GCNT2: variants seen among roughly 807,000 people sequenced by gnomAD.
The protein encoded by GCNT2 is N-acetyllactosaminide beta-1,6-N-acetylglucosaminyl-transferase.
GCNT2 carries 34 observed loss-of-function variants against 34.2 expected under a neutral mutation model. That is an observed-to-expected ratio of 1.00 (90% CI 0.76 to 1.32). GCNT2 has a LOEUF of 1.32. Among genes scored for constraint, GCNT2 ranks in the 40% most tolerant of loss-of-function variants. The pLI is 0.00. For missense variants in GCNT2, 584 were observed against 489.4 expected (o/e 1.19, Z -1.82); for synonymous variants, 212 against 188.0 (o/e 1.13, Z -1.04).
At chr6:10,609,951 A>C (rs887473466) in intron 3 of GCNT2, among the ~76,000 whole-genome samples, 1 of 152,160 alleles carries the variant, frequency 6.6e-6, no homozygotes, top group African/African-American at 2.4e-5. Flanking sequence ...AAAATCAGAC[A>C]CAGGGTCAAC....
chr6:10,609,445 G>A (rs1326469644), intron 3 of GCNT2, among the ~76,000 whole-genome samples: 1 of 152,200 alleles, frequency 6.6e-6, no homozygotes, highest in Non-Finnish European at 1.5e-5. Flanking sequence ...CATTCATGAT[G>A]TCAGAGCCCT....
intron 3 of GCNT2, among the ~76,000 whole-genome samples, chr6:10,585,058 TGTGTGTGTGTGTGTGTGTGTGC>T (rs1359106711): frequency 3.0e-3 from 424 of 141,176 alleles, no homozygotes; most frequent in Non-Finnish European, 3.8e-3. Context: ...TGTGTGTGTG[TGTGTGTGTGTGTGTGTGTGTGC>T]GCGCTATATT....
At chr6:10,620,724 T>C (rs147213580) in intron 3 of GCNT2, among the ~76,000 whole-genome samples, 4 of 152,330 alleles carry the variant, frequency 2.6e-5, no homozygotes, top group African/African-American at 9.6e-5. Flanking sequence ...TCTTGGAGTC[T>C]AACTATGATT....
intron 3 of GCNT2, among the ~76,000 whole-genome samples, chr6:10,615,572 G>T (rs1765723398): frequency 6.6e-6 from 1 of 152,124 alleles, no homozygotes; most frequent in Non-Finnish European, 1.5e-5. Context: ...CCTGTTACAG[G>T]AAAGGGATCC....
chr6:10,557,697 C>T (rs1481948852), intron 3 of GCNT2, among the ~76,000 whole-genome samples: 1 of 152,068 alleles, frequency 6.6e-6, no homozygotes, highest in South Asian at 2.1e-4. Flanking sequence ...CGCTATGTTG[C>T]CCAGGCTGGT....
intron 3 of GCNT2, among the ~76,000 whole-genome samples, chr6:10,596,130 G>A (rs1489342251): frequency 6.6e-6 from 1 of 151,954 alleles, no homozygotes; most frequent in African/African-American, 2.4e-5. Context: ...TACATGAACC[G>A]GACTGAGTTT....
intron 3 of GCNT2, chr6:10,575,113 T>C (rs13218560): frequency 0.12 from 59,374 of 479,220 alleles, 4,494 homozygotes; most frequent in Non-Finnish European, 0.16. Flanking sequence ...ATGCCTGCAA[T>C]GTCACCTTTC....
At chr6:10,620,837 C>T (rs1005571425) in intron 3 of GCNT2, among the ~76,000 whole-genome samples, 1 of 152,130 alleles carries the variant, frequency 6.6e-6, no homozygotes, top group Non-Finnish European at 1.5e-5. Context: ...TGATTTTGCT[C>T]ACCCACAGGA....
At chr6:10,587,211 TAACA>T (rs1413019275) in intron 3 of GCNT2, among the ~76,000 whole-genome samples, 4 of 152,222 alleles carry the variant, frequency 2.6e-5, no homozygotes, top group Non-Finnish European at 5.9e-5. Context: ...AACACAGCTG[TAACA>T]AACAAAATTG....
intron 1 of GCNT2, among the ~76,000 whole-genome samples, chr6:10,526,961 T>A (rs530106792): frequency 2.0e-5 from 3 of 151,502 alleles, no homozygotes; most frequent in Non-Finnish European, 3.0e-5. Context: ...AAGAGTAAAT[T>A]AATTAATTAA....
At chr6:10,532,347 G>GA (rs750666888) in intron 3 of GCNT2, among the ~76,000 whole-genome samples, 10 of 152,220 alleles carry the variant, frequency 6.6e-5, no homozygotes, top group Non-Finnish European at 1.2e-4. Flanking sequence ...ATGTTTTTCA[G>GA]AAACTTAACA....
At chr6:10,531,245 G>A (rs1035599662) in intron 3 of GCNT2, among the ~76,000 whole-genome samples, 1 of 152,018 alleles carries the variant, frequency 6.6e-6, no homozygotes, top group Non-Finnish European at 1.5e-5. Flanking sequence ...TCTCTCCTTT[G>A]GTCCAAGTTC....
chr6:10,551,202 A>G (rs1762463074), intron 3 of GCNT2, among the ~76,000 whole-genome samples: 1 of 152,130 alleles, frequency 6.6e-6, no homozygotes, highest in African/African-American at 2.4e-5. Flanking sequence ...TTGCCTATTT[A>G]AATACTTTGT....
At chr6:10,600,928 C>A (rs1012394021) in intron 3 of GCNT2, among the ~76,000 whole-genome samples, 5 of 152,052 alleles carry the variant, frequency 3.3e-5, no homozygotes, top group Non-Finnish European at 7.4e-5. Context: ...GTACGTGGGA[C>A]TACAGGCGCA....
chr6:10,589,619 G>A (rs1764547032), intron 3 of GCNT2, among the ~76,000 whole-genome samples: 2 of 152,108 alleles, frequency 1.3e-5, no homozygotes, highest in Non-Finnish European at 2.9e-5. Context: ...CATGTTCTCA[G>A]AGAAGCTGGG....
At chr6:10,531,938 G>C (rs1201507712) in intron 3 of GCNT2, among the ~76,000 whole-genome samples, 2 of 144,518 alleles carry the variant, frequency 1.4e-5, no homozygotes, top group Non-Finnish European at 3.0e-5. Flanking sequence ...ATTTGGAAAA[G>C]ACTTGAAGAG....
At chr6:10,574,728 A>ATT in intron 3 of GCNT2, 1 of 501,948 alleles carries the variant, frequency 2.0e-6, no homozygotes, top group Non-Finnish European at 3.8e-6. Context: ...GAGGTCTTTT[A>ATT]TTTTTTTTTA....
chr6:10,617,277 G>GC (rs1765813979), intron 3 of GCNT2, among the ~76,000 whole-genome samples: 1 of 152,188 alleles, frequency 6.6e-6, no homozygotes, highest in Non-Finnish European at 1.5e-5. Context: ...GCCCCTCACT[G>GC]CCCCGGGCGG....
In GCNT2 at chr6:10,521,399, C is replaced by G. The variant is rs1384080222; in HGVS notation, c.-487C>G. On this transcript the variant is annotated 5_prime_UTR_variant, in exon 1 of 5. Transcript: ENST00000495262. ...CTGGACGCCTCTGGGCAATCTTACC[C>G]TCCTGGGAACTGAGAGAGGTAGGTG... is the stretch of plus-strand genomic sequence containing the variant. 6.5e-6 allele frequency: 1 copy of G among 153,012 alleles called. No homozygotes were observed. The highest frequency in any genetic ancestry group is 1.5e-5 in the Non-Finnish European group (1 of 68,152). 9.5% of individuals were successfully genotyped at this position (153,012 alleles called of 1,614,324 possible).
Sources: gnomAD v4.1 joint callset for allele counts (sites outside exome capture counted in the v4.1 genomes callset) on GRCh38, gnomAD v4.1.1 for gene constraint, MANE v1.5 for transcripts, NCBI Gene and HGNC (gene_info 2026-07-23, HGNC 2026-07-21) for gene names.